The following STOX2 variants were observed in gnomAD, a reference collection of about 807,000 sequenced individuals.
STOX2 encodes the protein storkhead box 2.
In STOX2, 28 loss-of-function variants were observed where a neutral mutation model predicts 60.9. The ratio of observed to expected loss-of-function variants is 0.46; its 90% CI spans 0.34 to 0.63. The LOEUF is 0.63. Among genes scored for constraint, STOX2 ranks in the 30% least tolerant of loss-of-function variants. STOX2 has a pLI of 0.01. For synonymous variants in STOX2, 472 were observed against 463.9 expected (o/e 1.02, Z -0.22); for missense variants, 1,024 against 1,187.7 (o/e 0.86, Z 2.03).
At chr4:183,966,059 G>T (rs1281536306) in intron 1 of STOX2, among the ~76,000 whole-genome samples, 1 of 151,780 alleles carries the variant, frequency 6.6e-6, no homozygotes, top group Non-Finnish European at 1.5e-5. Flanking sequence ...AAAGAGAGAG[G>T]GGGGCAGGGA....
At chr4:183,827,509 T>TTA (rs1739463132) in intron 1 of STOX2, among the ~76,000 whole-genome samples, 1 of 150,938 alleles carries the variant, frequency 6.6e-6, no homozygotes, top group African/African-American at 2.4e-5. Flanking sequence ...AAAATAAAAA[T>TTA]AAAAAAACAA....
chr4:183,884,183 T>C (rs762501919), intron 1 of STOX2, among the ~76,000 whole-genome samples: 2 of 152,252 alleles, frequency 1.3e-5, no homozygotes, highest in Non-Finnish European at 2.9e-5. Flanking sequence ...CATGATGCTT[T>C]TCTAAGGCAC....
chr4:183,962,347 T>C (rs1743437438), intron 1 of STOX2, among the ~76,000 whole-genome samples: 1 of 152,238 alleles, frequency 6.6e-6, no homozygotes, highest in African/African-American at 2.4e-5. Flanking sequence ...GGCAAAATTC[T>C]AATCTTTTAT....
intron 2 of STOX2, among the ~76,000 whole-genome samples, chr4:184,008,196 C>A (rs911435841): frequency 4.6e-5 from 7 of 152,214 alleles, no homozygotes; most frequent in East Asian, 3.8e-4. Flanking sequence ...CTTTATGTGC[C>A]TGGCATTGAG....
At chr4:183,872,146 C>T (rs2111163967) in intron 1 of STOX2, among the ~76,000 whole-genome samples, 1 of 152,222 alleles carries the variant, frequency 6.6e-6, no homozygotes, top group Non-Finnish European at 1.5e-5. Context: ...ACCTCTGCCT[C>T]TGGGTTCAAG....
At chr4:183,828,099 T>G (rs1739477026) in intron 1 of STOX2, among the ~76,000 whole-genome samples, 1 of 152,230 alleles carries the variant, frequency 6.6e-6, no homozygotes, top group African/African-American at 2.4e-5. Context: ...AGAATGAATT[T>G]TTAAAGCAAA....
At chr4:183,864,460 C>G (rs1409961706) in intron 1 of STOX2, among the ~76,000 whole-genome samples, 1 of 152,168 alleles carries the variant, frequency 6.6e-6, no homozygotes, top group African/African-American at 2.4e-5. Flanking sequence ...GTGGTGCACT[C>G]TCAGCTCACT....
At chr4:183,917,137 C>T (rs973146565) in intron 1 of STOX2, among the ~76,000 whole-genome samples, 3 of 152,284 alleles carry the variant, frequency 2.0e-5, no homozygotes, top group Middle Eastern at 3.4e-3. Flanking sequence ...TGTATAGATA[C>T]GGGGACACAT....
chr4:183,968,169 G>A (rs73008326), intron 1 of STOX2, among the ~76,000 whole-genome samples: 1 of 152,044 alleles, frequency 6.6e-6, no homozygotes, highest in African/African-American at 2.4e-5. Context: ...TCCAAGGGTT[G>A]TCACACTTTT....
At chr4:183,832,310 T>C (rs939544174) in intron 1 of STOX2, among the ~76,000 whole-genome samples, 10 of 151,748 alleles carry the variant, frequency 6.6e-5, no homozygotes, top group African/African-American at 1.9e-4. Context: ...TTCATTTCTA[T>C]TTGTTTCTGA....
chr4:183,923,268 C>T (rs1742152090), intron 1 of STOX2, among the ~76,000 whole-genome samples: 1 of 152,244 alleles, frequency 6.6e-6, no homozygotes, highest in Non-Finnish European at 1.5e-5. Flanking sequence ...TCTAATTTCT[C>T]CACATCCCTG....
chr4:183,854,412 A>G (rs1396903360), intron 1 of STOX2, among the ~76,000 whole-genome samples: 1 of 152,174 alleles, frequency 6.6e-6, no homozygotes, highest in Admixed American at 6.5e-5. Context: ...GTTTCACATC[A>G]GATGTTTTTG....
intron 1 of STOX2, chr4:183,798,752 G>C (rs1738692014): frequency 1.4e-5 from 14 of 985,312 alleles, no homozygotes; most frequent in Non-Finnish European, 1.6e-5. Flanking sequence ...AAGAGGGGCA[G>C]AGTCGCCCAG....
At chr4:183,883,135 T>TC in intron 1 of STOX2, among the ~76,000 whole-genome samples, 1 of 151,876 alleles carries the variant, frequency 6.6e-6, no homozygotes, top group East Asian at 1.9e-4. Flanking sequence ...TACTCCCTCC[T>TC]CCCCCCAATT....
chr4:184,011,089 G>A lies in STOX2; in HGVS notation c.2251G>A (p.Ala751Thr). The A allele has an allele frequency of 1.3e-6, 2 of 1,595,428 alleles. No individual in the cohort carries two copies. Among genetic ancestry groups the A allele is most frequent in the Non-Finnish European group, 1.7e-6 (2 of 1,171,744 alleles). The change falls in exon 3 of 4, where the codon GCA becomes ACA. Residue 751 changes from alanine to threonine, a missense_variant. Ala to Thr is a moderately conservative substitution (Grantham distance 58). Transcript: ENST00000308497. This position sits in a 1 kb window ranked among gnomAD's most constrained non-coding sequence, Gnocchi z 4.4. ...GGAACCGTCCCTGGGGACCTCGGCG[G>A]CACAAGCCATGCCTGCTTCCCAGCG... ...KLEPSLGTSA[A>T]QAMPASQRQQ...
intron 1 of STOX2, among the ~76,000 whole-genome samples, chr4:183,937,549 A>C (rs6813246): frequency 0.99 from 151,516 of 152,304 alleles, 75,374 homozygotes; most frequent in Middle Eastern, 1. Context: ...TATATTTAGA[A>C]ATTGAGAGTA....
chr4:183,853,580 G>A (rs1414631178), intron 1 of STOX2: 1 of 152,196 alleles, frequency 6.6e-6, no homozygotes, highest in Non-Finnish European at 1.5e-5. Context: ...AGAAAAAGAG[G>A]ATTGAAAAAT....
chr4:183,833,596 C>T (rs184036891), intron 1 of STOX2, among the ~76,000 whole-genome samples: 13 of 150,504 alleles, frequency 8.6e-5, no homozygotes, highest in African/African-American at 3.2e-4. Flanking sequence ...GGGATCGGGG[C>T]TGATGAAAAT....
chr4:183,999,682 A>G (rs1737738566), intron 1 of STOX2, among the ~76,000 whole-genome samples: 1 of 152,168 alleles, frequency 6.6e-6, no homozygotes, highest in East Asian at 1.9e-4. Context: ...CTCTCCCCGT[A>G]CGTGCTGATC....
Sources: gnomAD v4.1 joint callset for allele counts (sites outside exome capture counted in the v4.1 genomes callset) on GRCh38, gnomAD v4.1.1 for gene constraint, Gnocchi (gnomAD v3.1) non-coding constraint, MANE v1.5 for transcripts, NCBI Gene and HGNC (gene_info 2026-07-23, HGNC 2026-07-21) for gene names.